WWOX: variants seen among roughly 807,000 people sequenced by gnomAD.
WWOX encodes the protein WW domain-containing oxidoreductase.
WWOX carries 69 observed loss-of-function variants against 46.2 expected under a neutral mutation model. The ratio of observed to expected loss-of-function variants is 1.49; its 90% CI spans 1.23 to 1.82. WWOX has a LOEUF of 1.82. WWOX is among the 40% of genes most tolerant of loss of function. The pLI, the probability that WWOX is intolerant of heterozygous loss-of-function variation, is 0.00. For synonymous variants in WWOX, 359 were observed against 202.6 expected (o/e 1.77, Z -6.56); for missense variants, 919 against 542.6 (o/e 1.69, Z -6.89).
chr16:79,026,013 C>G (rs1161750135), intron 8 of WWOX, among the ~76,000 whole-genome samples: 1 of 151,438 alleles, frequency 6.6e-6, no homozygotes, highest in Non-Finnish European at 1.5e-5. Flanking sequence ...GTTGTGCAGG[C>G]TGGTCTCAAA....
chr16:78,738,403 G>C (rs965397412), intron 8 of WWOX, among the ~76,000 whole-genome samples: 30 of 152,312 alleles, frequency 2.0e-4, no homozygotes, highest in Admixed American at 1.9e-3. Flanking sequence ...CCCTGTGTAT[G>C]ATGCTGGGTT....
At chr16:79,043,940 T>C (rs190335070) in intron 8 of WWOX, among the ~76,000 whole-genome samples, 1 of 152,324 alleles carries the variant, frequency 6.6e-6, no homozygotes, top group Admixed American at 6.5e-5. Context: ...CGGACCTTTC[T>C]GGTCACTTGT....
intron 6 of WWOX, among the ~76,000 whole-genome samples, chr16:78,414,546 T>C (rs571612666): frequency 6.6e-6 from 1 of 152,260 alleles, no homozygotes; most frequent in East Asian, 1.9e-4. Flanking sequence ...CAGCCTGCAA[T>C]GCAGAGTGAA....
intron 5 of WWOX, among the ~76,000 whole-genome samples, chr16:78,306,447 G>T (rs1367523858): frequency 6.6e-6 from 1 of 152,180 alleles, no homozygotes; most frequent in Non-Finnish European, 1.5e-5. Flanking sequence ...GAAGTCCCCA[G>T]AGTTGTATGA....
At chr16:79,083,436 C>G (rs112848889) in intron 8 of WWOX, among the ~76,000 whole-genome samples, 2 of 152,108 alleles carry the variant, frequency 1.3e-5, no homozygotes, top group African/African-American at 2.4e-5. Context: ...TTACTAATGT[C>G]AAGAACAAAG....
intron 3 of WWOX, among the ~76,000 whole-genome samples, chr16:78,113,380 C>G (rs1252329959): frequency 7.2e-5 from 11 of 152,216 alleles, no homozygotes; most frequent in East Asian, 1.9e-4. Flanking sequence ...GTTTCTGTTG[C>G]AATGATTCAA....
intron 8 of WWOX, among the ~76,000 whole-genome samples, chr16:78,963,353 C>T (rs569281144): frequency 2.0e-5 from 3 of 152,202 alleles, no homozygotes; most frequent in African/African-American, 7.2e-5. Flanking sequence ...CCTGTGGTCC[C>T]AGCTACTTGG....
intron 8 of WWOX, among the ~76,000 whole-genome samples, chr16:78,998,614 A>G (rs1480315997): frequency 1.3e-5 from 2 of 152,220 alleles, no homozygotes; most frequent in Admixed American, 6.5e-5. Context: ...AGTATATACA[A>G]TAGGTGTAAT....
At chr16:78,469,004 T>C (rs973788585) in intron 8 of WWOX, among the ~76,000 whole-genome samples, 4 of 152,220 alleles carry the variant, frequency 2.6e-5, no homozygotes, top group African/African-American at 9.6e-5. Context: ...TAGCTATCTT[T>C]CTTGAGTCTC....
chr16:78,405,829 G>T (rs1365262112), intron 6 of WWOX, among the ~76,000 whole-genome samples: 1 of 152,138 alleles, frequency 6.6e-6, no homozygotes, highest in Admixed American at 6.5e-5. Flanking sequence ...GCTCAGAGGG[G>T]TTTATTCACT....
Position 78,550,020 on chromosome 16 carries a change from G to A in WWOX, c.1056+117268G>A, listed in dbSNP as rs920989589. On this transcript the variant is annotated intron_variant, in intron 8 of 8. Transcript: ENST00000566780. ...AGGGAAATGCCTAGGTTGAAAACAC[G>A]CAATACACATTCAATAAATGTTCAT... is the stretch of plus-strand genomic sequence containing the variant. Among the ~76,000 whole-genome samples the A allele has an allele frequency of 5.3e-5, 8 of 152,302 alleles. No individual in the cohort carries two copies. In the East Asian group the frequency reaches 1.4e-3, roughly 26 times the overall value.
chr16:78,835,565 C>G (rs1471558002), intron 8 of WWOX, among the ~76,000 whole-genome samples: 1 of 152,176 alleles, frequency 6.6e-6, no homozygotes, highest in African/African-American at 2.4e-5. Flanking sequence ...TGTTCACACA[C>G]ATATTGATAT....
intron 8 of WWOX, among the ~76,000 whole-genome samples, chr16:78,569,380 T>C (rs114418618): frequency 2.0e-5 from 3 of 152,226 alleles, no homozygotes; most frequent in Non-Finnish European, 2.9e-5. Context: ...TATCACTGTT[T>C]TGTTGACATT....
intron 5 of WWOX, among the ~76,000 whole-genome samples, chr16:78,193,072 C>G (rs1296662650): frequency 1.3e-5 from 2 of 152,230 alleles, no homozygotes; most frequent in African/African-American, 2.4e-5. Context: ...AGGGCCCAGG[C>G]TGTAGGAGAT....
intron 5 of WWOX, among the ~76,000 whole-genome samples, chr16:78,313,554 C>T (rs147104896): frequency 7.2e-5 from 11 of 152,056 alleles, no homozygotes; most frequent in African/African-American, 2.2e-4. Context: ...TTAGTAGAGA[C>T]GGGGTTTCTC....
chr16:78,962,708 CATACTT>C (rs1159617434), intron 8 of WWOX, among the ~76,000 whole-genome samples: 2 of 152,106 alleles, frequency 1.3e-5, no homozygotes, highest in Admixed American at 6.5e-5. Flanking sequence ...TCAATGAACT[CATACTT>C]ATTTATACAA....
chr16:78,417,487 G>A lies in WWOX; in HGVS notation c.606-7383G>A, dbSNP rs1378195483. ...CTTAAATACAAAAAGCTCTTAAAAAGTGCCTAACCCATAGTTAGTACTCAA... is the reference window on the plus strand; with the variant it reads ...CTTAAATACAAAAAGCTCTTAAAAAATGCCTAACCCATAGTTAGTACTCAA... On this transcript the variant is annotated intron_variant, in intron 6 of 8. Transcript: ENST00000566780. Among the ~76,000 whole-genome samples the A allele has an allele frequency of 2.6e-5, 4 of 152,152 alleles. No homozygotes were observed. In the South Asian group the frequency reaches 8.3e-4, roughly 32 times the overall value.
chr16:79,048,804 T>C (rs1427540373), intron 8 of WWOX, among the ~76,000 whole-genome samples: 4 of 152,154 alleles, frequency 2.6e-5, no homozygotes, highest in Admixed American at 2.0e-4. Context: ...GAAATTCAAG[T>C]GCCACACAGT....
At chr16:79,137,239 G>T (rs977983570) in intron 8 of WWOX, among the ~76,000 whole-genome samples, 1 of 152,156 alleles carries the variant, frequency 6.6e-6, no homozygotes, top group Admixed American at 6.5e-5. Flanking sequence ...TTCCTCGATA[G>T]ACCTTATAGA....
Sources: allele counts gnomAD v4.1 joint callset (sites outside exome capture counted in the v4.1 genomes callset), GRCh38; gene constraint gnomAD v4.1.1; transcripts MANE v1.5; gene names NCBI Gene and HGNC (gene_info 2026-07-23, HGNC 2026-07-21).